Variants in PDE10A observed in about 807,000 individuals in gnomAD.
PDE10A encodes cAMP and cAMP-inhibited cGMP 3',5'-cyclic phosphodiesterase 10A.
PDE10A carries 39 observed loss-of-function variants against 97.7 expected under a neutral mutation model. That is an observed-to-expected ratio of 0.40 (90% CI 0.31 to 0.52). The LOEUF (loss-of-function observed/expected upper bound fraction) is 0.52, where lower values mean the gene tolerates loss of function less well. PDE10A is among the 20% of genes least tolerant of loss of function. PDE10A has a pLI of 0.56. For synonymous variants in PDE10A, 371 were observed against 376.8 expected (o/e 0.98, Z 0.18); for missense variants, 731 against 1,047.8 (o/e 0.70, Z 4.17).
At chr6:165,705,596 T>C (rs531488982) in intron 1 of PDE10A, among the ~76,000 whole-genome samples, 1 of 152,358 alleles carries the variant, frequency 6.6e-6, no homozygotes, top group Admixed American at 6.5e-5. Context: ...AGAATTGTGG[T>C]ATGTCAAATA....
intron 18 of PDE10A, among the ~76,000 whole-genome samples, chr6:165,377,890 T>C (rs1218697169): frequency 4.6e-5 from 7 of 152,310 alleles, no homozygotes; most frequent in Middle Eastern, 3.4e-3. Context: ...TAGGGGCTTT[T>C]CCCTGATACC....
At chr6:165,573,539 T>C (rs1785154871) in intron 1 of PDE10A, among the ~76,000 whole-genome samples, 2 of 152,196 alleles carry the variant, frequency 1.3e-5, no homozygotes, top group African/African-American at 4.8e-5. Context: ...TAAGAGCTTA[T>C]ATGAGACATA....
chr6:165,413,777 T>C (rs185045030), intron 12 of PDE10A, 90 bp from the exon 13 acceptor site: 98 of 1,042,352 alleles, frequency 9.4e-5, no homozygotes, highest in Middle Eastern at 8.4e-4. Context: ...CCCTCAATCT[T>C]TGCAATTTAC....
chr6:165,435,906 G>A (rs1263025628), intron 5 of PDE10A, among the ~76,000 whole-genome samples: 1 of 152,152 alleles, frequency 6.6e-6, no homozygotes, highest in Non-Finnish European at 1.5e-5. Context: ...GAATACTCTA[G>A]ATGAAAAATT....
At chr6:165,803,758 G>A (rs1779043486) in intron 1 of PDE10A, among the ~76,000 whole-genome samples, 1 of 152,212 alleles carries the variant, frequency 6.6e-6, no homozygotes, top group Non-Finnish European at 1.5e-5. Flanking sequence ...TTCACAAGAT[G>A]TCTGTGGAGG....
chr6:165,377,059 T>C (rs1380963501), intron 18 of PDE10A, among the ~76,000 whole-genome samples: 1 of 152,236 alleles, frequency 6.6e-6, no homozygotes, highest in Non-Finnish European at 1.5e-5. Context: ...TCTTAGATGA[T>C]CATTAGCATT....
chr6:165,919,281 G>A lies in PDE10A; in HGVS notation c.-615+68248C>T, dbSNP rs190190851. Among the ~76,000 whole-genome samples, 68 of 152,226 alleles carry A rather than the reference G, an allele frequency of 4.5e-4. No individual in the cohort carries two copies. The East Asian group carries it at 8.5e-3, about 19-fold the overall frequency. On this transcript the variant is annotated intron_variant, in intron 1 of 19. Transcript: ENST00000366882. ...TATGCACTGTCTCTTGGGGCAGGGC[G>A]CTCTGTGTGACCTCACTGGGCCCAC...
At chr6:165,533,827 A>G (rs919091222) in intron 2 of PDE10A, among the ~76,000 whole-genome samples, 4 of 129,346 alleles carry the variant, frequency 3.1e-5, no homozygotes, top group Admixed American at 8.7e-5. Context: ...TCAGAAATCA[A>G]TATAGTTTGC....
At chr6:165,519,267 C>T (rs1781995935) in intron 2 of PDE10A, among the ~76,000 whole-genome samples, 1 of 151,874 alleles carries the variant, frequency 6.6e-6, no homozygotes, top group South Asian at 2.1e-4. Flanking sequence ...AATAAACAGA[C>T]CCATGGTCTA....
chr6:165,624,327 G>A (rs560707651), intron 1 of PDE10A, among the ~76,000 whole-genome samples: 60 of 152,160 alleles, frequency 3.9e-4, no homozygotes, highest in African/African-American at 1.2e-3. Context: ...GTCATTCCCC[G>A]ATTCAAAACA....
At chr6:165,584,490 G>A (rs1455150400) in intron 1 of PDE10A, among the ~76,000 whole-genome samples, 2 of 152,124 alleles carry the variant, frequency 1.3e-5, no homozygotes, top group East Asian at 3.9e-4. Flanking sequence ...CATCTGAGCT[G>A]ATCCACCTGA....
At chr6:165,340,857 A>T (rs1298339201) in intron 19 of PDE10A, among the ~76,000 whole-genome samples, 1 of 152,192 alleles carries the variant, frequency 6.6e-6, no homozygotes, top group Non-Finnish European at 1.5e-5. Context: ...CACGGAGGTC[A>T]TGATTTTGGT....
chr6:165,479,938 TA>T (rs1205738134), intron 3 of PDE10A, among the ~76,000 whole-genome samples: 26 of 152,288 alleles, frequency 1.7e-4, no homozygotes, highest in Non-Finnish European at 2.4e-4. Context: ...GTAGCTTCTT[TA>T]AAAAACTAAT....
intron 1 of PDE10A, among the ~76,000 whole-genome samples, chr6:165,792,104 G>T (rs1778671813): frequency 2.6e-5 from 4 of 152,160 alleles, no homozygotes; most frequent in Admixed American, 2.6e-4. Context: ...CTGGAAGGAG[G>T]CACCCTCAGT....
chr6:165,555,721 A>G (rs1314000080), intron 1 of PDE10A, among the ~76,000 whole-genome samples: 11 of 152,184 alleles, frequency 7.2e-5, no homozygotes, highest in Non-Finnish European at 1.5e-5. Flanking sequence ...CTAGCTAGCC[A>G]TCATATTAAC....
chr6:165,848,635 C>A (rs1018437778), intron 1 of PDE10A, among the ~76,000 whole-genome samples: 10 of 152,200 alleles, frequency 6.6e-5, no homozygotes, highest in Non-Finnish European at 1.3e-4. Flanking sequence ...ACTATACACT[C>A]CTCCTGGAAG....
intron 5 of PDE10A, among the ~76,000 whole-genome samples, chr6:165,441,506 G>A (rs897799007): frequency 6.6e-6 from 1 of 152,174 alleles, no homozygotes; most frequent in Non-Finnish European, 1.5e-5. Flanking sequence ...GAAAGTTTAA[G>A]AATCTTGTCA....
At chr6:165,907,153 T>C (rs887703478) in intron 1 of PDE10A, among the ~76,000 whole-genome samples, 1 of 152,220 alleles carries the variant, frequency 6.6e-6, no homozygotes, top group African/African-American at 2.4e-5. Context: ...CAGGAGACTA[T>C]TCATGGTGAT....
chr6:165,898,174 C>G (rs541092729), intron 1 of PDE10A, among the ~76,000 whole-genome samples: 82 of 152,168 alleles, frequency 5.4e-4, no homozygotes, highest in African/African-American at 2.0e-3. Context: ...CCAGATCCCC[C>G]CGCTGCCTCC....
Sources: allele counts gnomAD v4.1 joint callset (sites outside exome capture counted in the v4.1 genomes callset), GRCh38; gene constraint gnomAD v4.1.1; transcripts MANE v1.5; gene names NCBI Gene and HGNC (gene_info 2026-07-23, HGNC 2026-07-21).